The following ANXA11 variants were observed in gnomAD, a reference collection of about 807,000 sequenced individuals.
ANXA11 encodes the protein 56 kDa autoantigen.
ANXA11 carries 57 observed loss-of-function variants against 64.7 expected under a neutral mutation model. The ratio of observed to expected loss-of-function variants is 0.88; its 90% CI spans 0.71 to 1.10. The LOEUF (loss-of-function observed/expected upper bound fraction) is 1.10, where lower values mean the gene tolerates loss of function less well. Among genes scored for constraint, ANXA11 ranks in the 50% least tolerant of loss-of-function variants. The pLI is 0.00. For missense variants in ANXA11, 675 were observed against 670.7 expected (o/e 1.01, Z -0.07); for synonymous variants, 260 against 265.2 (o/e 0.98, Z 0.19).
intron 15 of ANXA11, chr10:80,157,166 A>T (rs1398950778): frequency 1.0e-6 from 1 of 976,962 alleles, no homozygotes; most frequent in Admixed American, 6.1e-5. Context: ...GAGCCATTCA[A>T]GGTCACACAG....
At chr10:80,186,545 C>T (rs778620699) in intron 1 of ANXA11, among the ~76,000 whole-genome samples, 3 of 152,146 alleles carry the variant, frequency 2.0e-5, no homozygotes, top group South Asian at 2.1e-4. Flanking sequence ...GGGAGGCCAC[C>T]GGGCAGGGAG....
intron 1 of ANXA11, among the ~76,000 whole-genome samples, chr10:80,180,510 ACAG>A (rs35476619): frequency 0.11 from 17,193 of 152,176 alleles, 1,182 homozygotes; most frequent in South Asian, 0.24. Context: ...CAGAAGCCAC[ACAG>A]CAGTGACACC....
chr10:80,204,472 G>T (rs926535225), intron 1 of ANXA11, among the ~76,000 whole-genome samples: 1 of 152,230 alleles, frequency 6.6e-6, no homozygotes, highest in Non-Finnish European at 1.5e-5. Context: ...TCCACTCCAT[G>T]CCCAGCGCAG....
Position 80,166,790 on chromosome 10 carries a change from C to G in ANXA11, c.744+100G>C, listed in dbSNP as rs555463537. On this transcript the variant is annotated intron_variant, in intron 7 of 15. Coordinates refer to ENST00000422982, the MANE Select transcript of ANXA11 (RefSeq NM_145868.2). ...TGCCCTCCTGCTCCTTACTGTCCAT[C>G]CGGGAGATCCGGGCCCACCCAAGGA... 4.7e-5 allele frequency: 43 copies of G among 907,004 alleles called. 2 individuals are homozygous for G. The South Asian group carries it at 6.6e-4, about 14-fold the overall frequency. The allele number at this position is 907,004 out of a possible 1,614,324, so 56.2% of individuals were successfully genotyped here.
In ANXA11 at chr10:80,163,939, T is replaced by C. The variant is rs1845623366; in HGVS notation, c.949+114A>G. 1.5e-5 allele frequency: 13 copies of C among 877,158 alleles called. No homozygotes were observed. In the South Asian group the frequency reaches 2.1e-4, roughly 14 times the overall value. 54.3% of individuals were successfully genotyped at this position (877,158 alleles called of 1,614,324 possible). A position where few individuals can be genotyped will look rare whatever the true frequency, so the allele number is the denominator to read the frequency against. ...AGTATTGGGGGTGGCAGAAGATGGG[T>C]TGATAAGAAGGCCAGGAAGGAGTAA... is the stretch of plus-strand genomic sequence containing the variant. On this transcript the variant is annotated intron_variant, in intron 9 of 15. Coordinates refer to ENST00000422982, the MANE Select transcript of ANXA11 (RefSeq NM_145868.2).
At chr10:80,160,335 G>A (rs1845456610) in intron 12 of ANXA11, among the ~76,000 whole-genome samples, 1 of 152,162 alleles carries the variant, frequency 6.6e-6, no homozygotes, top group South Asian at 2.1e-4. Flanking sequence ...GTGTGCTCTG[G>A]GGTCGGGTGG....
intron 13 of ANXA11, among the ~76,000 whole-genome samples, chr10:80,158,877 C>T (rs1483493496): frequency 6.6e-6 from 1 of 152,156 alleles, no homozygotes; most frequent in Admixed American, 6.5e-5. Flanking sequence ...AGAGCTGCAC[C>T]GCAAACACAC....
At chr10:80,193,579 C>A (rs992607717) in intron 1 of ANXA11, among the ~76,000 whole-genome samples, 7 of 152,090 alleles carry the variant, frequency 4.6e-5, no homozygotes, top group Admixed American at 3.9e-4. Flanking sequence ...CGCAATGGCT[C>A]ACATCTGTAA....
chr10:80,195,797 C>G (rs886194662), intron 1 of ANXA11: 4 of 158,350 alleles, frequency 2.5e-5, no homozygotes, highest in East Asian at 1.8e-4. Flanking sequence ...CACATGGCAG[C>G]AGACAAGAGA....
intron 1 of ANXA11, among the ~76,000 whole-genome samples, chr10:80,200,118 C>T (rs563428159): frequency 4.6e-5 from 7 of 152,240 alleles, no homozygotes; most frequent in Admixed American, 1.3e-4. Context: ...GGAGTTTGCA[C>T]GCAAATCTCA....
At position 80,160,676 on chromosome 10, in the gene ANXA11, G is replaced by A. The variant is rs1179718583; in HGVS notation, c.1180+1259C>T. 3.3e-5 allele frequency among the ~76,000 whole-genome samples: 5 copies of A among 152,012 alleles called. No homozygotes were observed. In the East Asian group the frequency reaches 7.7e-4, roughly 23 times the overall value. ...GGGCTCCCCACAGTCTCCCTCCTGAGGGGACCTCCTGCAGTCCCAGAGCCT... is the reference window on the plus strand; with the variant it reads ...GGGCTCCCCACAGTCTCCCTCCTGAAGGGACCTCCTGCAGTCCCAGAGCCT... On this transcript the variant is annotated intron_variant, in intron 12 of 15. Transcript: ENST00000422982.
chr10:80,179,082 G>A (rs1016257064), intron 1 of ANXA11, among the ~76,000 whole-genome samples: 1 of 152,206 alleles, frequency 6.6e-6, no homozygotes, highest in Non-Finnish European at 1.5e-5. Context: ...TCCCAGCATT[G>A]GAGGTGGGGC....
chr10:80,161,706 G>A (rs887042094), intron 12 of ANXA11, among the ~76,000 whole-genome samples: 3 of 152,320 alleles, frequency 2.0e-5, no homozygotes, highest in South Asian at 2.1e-4. Flanking sequence ...ACATTCCCAC[G>A]TACAAAGACA....
rs1175162375 is a variant in ANXA11, at chr10:80,155,880, C to G, written c.1491G>C (p.Leu497=). 1.2e-6 allele frequency: 2 copies of G among 1,614,232 alleles called. No individual in the cohort carries two copies. Among genetic ancestry groups the G allele is most frequent in the East Asian group, 2.2e-5 (1 of 44,890 alleles). ...AGTCATTGCCACCACAGATCTTCAG[C>G]AGAATCTTCCGGTAATCCCCTGAAG... ...GDTSGDYRKI[L]LKICGGND Residue 497 remains leucine (L), a synonymous_variant, in exon 16 of 16, where the codon CTG becomes CTC. Coordinates refer to ENST00000422982, the MANE Select transcript of ANXA11 (RefSeq NM_145868.2).
chr10:80,172,755 G>A, intron 3 of ANXA11, 52 bp downstream of exon 3: 1 of 1,564,976 alleles, frequency 6.4e-7, no homozygotes, highest in Admixed American at 1.7e-5. Flanking sequence ...TCCACTCCCA[G>A]CCACTGTACA....
intron 8 of ANXA11, 56 bp downstream of exon 8, chr10:80,166,010 CCACACGCATGCGCGCGTG>C (rs1845703852): frequency 1.1e-6 from 1 of 879,862 alleles, no homozygotes; most frequent in African/African-American, 1.8e-5. Context: ...GGCTGTGTGT[CCACACGCATGCGCGCGTG>C]CGCACACACG....
rs1845249495 is a variant in ANXA11 at position 80,155,787 on chromosome 10, T to G, written c.*66A>C. On this transcript the variant is annotated 3_prime_UTR_variant, in exon 16 of 16. Transcript: ENST00000422982. ...TTGTGGATTTGTTAGAAACAGACATTCTTTTGGCCTTTTCCTGGCACTGGT... is the reference window on the plus strand; with the variant it reads ...TTGTGGATTTGTTAGAAACAGACATGCTTTTGGCCTTTTCCTGGCACTGGT... 4.1e-6 allele frequency: 6 copies of G among 1,450,460 alleles called. No individual in the cohort carries two copies. The highest frequency in any genetic ancestry group is 5.8e-6 in the Non-Finnish European group (6 of 1,031,622). 89.8% of individuals were successfully genotyped at this position (1,450,460 alleles called of 1,614,324 possible).
intron 1 of ANXA11, among the ~76,000 whole-genome samples, chr10:80,182,280 C>A (rs552794136): frequency 6.6e-6 from 1 of 151,948 alleles, no homozygotes; most frequent in Admixed American, 6.6e-5. Context: ...AAATCTATAA[C>A]CACTCTAAAA....
intron 9 of ANXA11, 33 bp from the exon 10 acceptor site, chr10:80,163,646 T>C: frequency 6.5e-7 from 1 of 1,531,954 alleles, no homozygotes; most frequent in African/African-American, 1.4e-5. Context: ...GTCCATCCTG[T>C]AGCTCTCTTT....
Sources: allele counts gnomAD v4.1 joint callset (sites outside exome capture counted in the v4.1 genomes callset), GRCh38; gene constraint gnomAD v4.1.1; transcripts MANE v1.5; gene names NCBI Gene and HGNC (gene_info 2026-07-23, HGNC 2026-07-21).